The following KIRREL3 variants were observed in gnomAD, a reference collection of about 807,000 sequenced individuals.
KIRREL3 encodes kin of IRRE-like protein 3.
A neutral mutation model predicts 89.7 loss-of-function variants in KIRREL3; 36 were observed. The ratio of observed to expected loss-of-function variants is 0.40; its 90% confidence interval spans 0.31 to 0.53. The LOEUF is 0.53. Among genes scored for constraint, KIRREL3 ranks in the 20% least tolerant of loss-of-function variants. The pLI is 0.49. For synonymous variants in KIRREL3, 445 were observed against 441.4 expected (o/e 1.01, Z -0.10); for missense variants, 864 against 1,056.6 (o/e 0.82, Z 2.53).
chr11:126,765,450 C>T (rs570430521), intron 1 of KIRREL3, among the ~76,000 whole-genome samples: 31 of 152,166 alleles, frequency 2.0e-4, no homozygotes, highest in Non-Finnish European at 3.8e-4. Context: ...CCAGAGCATA[C>T]GGCTTTTACT....
At position 126,788,143 on chromosome 11, in the gene KIRREL3, A is replaced by G. The variant is rs1456933494; in HGVS notation, c.55+212312T>C. 6.6e-6 allele frequency among the ~76,000 whole-genome samples: 1 copy of G among 152,204 alleles called. No individual in the cohort carries two copies. On this transcript the variant is annotated intron_variant, in intron 1 of 16. Coordinates refer to ENST00000525144, the MANE Select transcript of KIRREL3 (RefSeq NM_032531.4). The surrounding 1 kb of genome is among the most constrained non-coding windows in gnomAD (Gnocchi z 4.1). Reference sequence around the variant, plus strand: ...CCATAGCATCTAAAATCTGCTAGACATTGTGTGCAAAAAGAGTGGGTGATG... The same window carrying G: ...CCATAGCATCTAAAATCTGCTAGACGTTGTGTGCAAAAAGAGTGGGTGATG...
At chr11:126,922,169 ATC>A (rs1300445990) in intron 1 of KIRREL3, among the ~76,000 whole-genome samples, 1 of 141,042 alleles carries the variant, frequency 7.1e-6, no homozygotes, top group Non-Finnish European at 1.6e-5. Context: ...CTATCTATCT[ATC>A]TATCTCTATC....
intron 1 of KIRREL3, among the ~76,000 whole-genome samples, chr11:126,793,532 G>A (rs1342003505): frequency 2.0e-5 from 3 of 152,194 alleles, no homozygotes; most frequent in African/African-American, 7.2e-5. Context: ...GGGAGTTCCT[G>A]CAGAAGGTGC....
At chr11:126,436,366 T>A (rs980047755) in intron 12 of KIRREL3, among the ~76,000 whole-genome samples, 2 of 152,242 alleles carry the variant, frequency 1.3e-5, no homozygotes, top group Non-Finnish European at 2.9e-5. Flanking sequence ...ATCTTAACTG[T>A]GACTGGGCCA....
intron 1 of KIRREL3, among the ~76,000 whole-genome samples, chr11:126,925,693 G>A (rs993334312): frequency 1.3e-5 from 2 of 152,222 alleles, no homozygotes; most frequent in Admixed American, 6.5e-5. Flanking sequence ...GGGTTAAGGT[G>A]AGAACGTTGT....
chr11:126,699,988 G>T (rs1947248886), intron 1 of KIRREL3, among the ~76,000 whole-genome samples: 1 of 152,046 alleles, frequency 6.6e-6, no homozygotes, highest in African/African-American at 2.4e-5. Context: ...GAGTTCTGGG[G>T]TTCGAGACCA....
rs1427938638 is a variant in KIRREL3, at chr11:126,912,438, C to A, written c.55+88017G>T. 6.6e-6 allele frequency among the ~76,000 whole-genome samples: 1 copy of A among 152,172 alleles called. No individual in the cohort carries two copies. Among genetic ancestry groups the A allele is most frequent in the African/African-American group, 2.4e-5 (1 of 41,436 alleles). ...TAATTACCCCTTTCCATCTCACATT[C>A]CTCCAGCTGGTTCAGCACTTCCGAT... On this transcript the variant is annotated intron_variant, in intron 1 of 16. Transcript: ENST00000525144. The surrounding 1 kb of genome is among the most constrained non-coding windows in gnomAD (Gnocchi z 4.7).
rs1216257839 is a variant in KIRREL3 at position 126,755,819 on chromosome 11, C to T, written c.56-192907G>A. Among the ~76,000 whole-genome samples the T allele has an allele frequency of 1.0e-5, 1 of 98,904 alleles. No individual in the cohort carries two copies. Among genetic ancestry groups the T allele is most frequent in the East Asian group, 3.6e-4 (1 of 2,804 alleles). 64.9% of individuals were successfully genotyped at this position (98,904 alleles called of 152,430 possible). On this transcript the variant is annotated intron_variant, in intron 1 of 16. Coordinates refer to ENST00000525144, the MANE Select transcript of KIRREL3 (RefSeq NM_032531.4). This position sits in a 1 kb window ranked among gnomAD's most constrained non-coding sequence, Gnocchi z 4.3. The stretch of plus-strand genomic sequence containing the variant: ...GAATGCGTGCTCGCCATCTGCCATT[C>T]AGGCAGAGAGAGAGAGAGAGAGAGA...
chr11:126,446,269 TCTTTCTTTTCTTTCTC>T (rs1955798998), intron 9 of KIRREL3, among the ~76,000 whole-genome samples: 1 of 92,066 alleles, frequency 1.1e-5, no homozygotes, highest in African/African-American at 4.6e-5. Context: ...TCTTTCTCTC[TCTTTCTTTTCTTTCTC>T]CTTTCTTTCT....
Position 126,523,397 on chromosome 11 carries a change from G to T in KIRREL3, c.284-1933C>A, listed in dbSNP as rs150683916. Among the ~76,000 whole-genome samples, 509 of 152,296 alleles carry T rather than the reference G, an allele frequency of 3.3e-3. 3 individuals carry two copies. The highest frequency in any genetic ancestry group is 0.011 in the African/African-American group (477 of 41,566). ...CACCAGCACTTGTTCCTGGTCAGGC[G>T]AGGTAGCTGTGATGATCCTCTGCCA... On this transcript the variant is annotated intron_variant, in intron 3 of 16. Coordinates refer to ENST00000525144, the MANE Select transcript of KIRREL3 (RefSeq NM_032531.4). This position sits in a 1 kb window ranked among gnomAD's most constrained non-coding sequence, Gnocchi z 4.9.
chr11:126,914,502 T>G (rs935796860), intron 1 of KIRREL3, among the ~76,000 whole-genome samples: 2 of 152,196 alleles, frequency 1.3e-5, no homozygotes, highest in African/African-American at 4.8e-5. Flanking sequence ...AGGAAAGGAA[T>G]ATACTGGCTG....
Position 126,909,272 on chromosome 11 carries a change from G to A in KIRREL3, c.55+91183C>T, listed in dbSNP as rs1000579133. Among the ~76,000 whole-genome samples the A allele has an allele frequency of 2.6e-5, 4 of 152,098 alleles. No individual in the cohort carries two copies. Among genetic ancestry groups the A allele is most frequent in the African/African-American group, 7.2e-5 (3 of 41,436 alleles). On this transcript the variant is annotated intron_variant, in intron 1 of 16. Transcript: ENST00000525144. The surrounding 1 kb of genome is among the most constrained non-coding windows in gnomAD (Gnocchi z 4.5). ...GGTGTGGCACTAAAACCCAGGCTCC[G>A]GCCTGGGACTCTTTACATTATAAGT...
At position 126,946,255 on chromosome 11, in the gene KIRREL3, G is replaced by A. The variant is rs985392466; in HGVS notation, c.55+54200C>T. Among the ~76,000 whole-genome samples, 1 of 152,110 alleles carries A rather than the reference G, an allele frequency of 6.6e-6. No individual in the cohort carries two copies. Among genetic ancestry groups the A allele is most frequent in the Admixed American group, 6.6e-5 (1 of 15,260 alleles). ...TTAAAACTGCAAAATGAGTGGTCAT[G>A]CCCCAGACTGCGGCCTCCAGACTCT... On this transcript the variant is annotated intron_variant, in intron 1 of 16. Coordinates refer to ENST00000525144, the MANE Select transcript of KIRREL3 (RefSeq NM_032531.4). This position sits in a 1 kb window ranked among gnomAD's most constrained non-coding sequence, Gnocchi z 4.1.
rs1199036369 is a variant in KIRREL3 at position 126,477,790 on chromosome 11, T to G, written c.434-4324A>C. Among the ~76,000 whole-genome samples the G allele has an allele frequency of 6.6e-6, 1 of 152,162 alleles. No homozygotes were observed. The highest frequency in any genetic ancestry group is 1.9e-4 in the East Asian group (1 of 5,184). The stretch of plus-strand genomic sequence containing the variant: ...TCGATGCTCCATCAGCCTGGGATGG[T>G]TGGTCTCTGAGCATGGCTGATCGGT... On this transcript the variant is annotated intron_variant, in intron 4 of 16. Transcript: ENST00000525144. This position sits in a 1 kb window ranked among gnomAD's most constrained non-coding sequence, Gnocchi z 4.8.
chr11:126,682,728 G>C lies in KIRREL3; in HGVS notation c.56-119816C>G, dbSNP rs10450633. Among the ~76,000 whole-genome samples the C allele has an allele frequency of 1.4e-4, 21 of 152,196 alleles. No individual in the cohort carries two copies. Among genetic ancestry groups the C allele is most frequent in the African/African-American group, 5.1e-4 (21 of 41,502 alleles). On this transcript the variant is annotated intron_variant, in intron 1 of 16. Coordinates refer to ENST00000525144, the MANE Select transcript of KIRREL3 (RefSeq NM_032531.4). The surrounding 1 kb of genome is among the most constrained non-coding windows in gnomAD (Gnocchi z 4.8). ...CCATCACATGCGCAGTTCACAACAGGGCTGGTGCTCCTAGGAGAATCTAAC... is the reference window on the plus strand; with the variant it reads ...CCATCACATGCGCAGTTCACAACAGCGCTGGTGCTCCTAGGAGAATCTAAC...
chr11:126,681,757 T>A (rs117554462), intron 1 of KIRREL3: 2 of 381,274 alleles, frequency 5.2e-6, no homozygotes, highest in East Asian at 1.5e-4. Context: ...TAGTGTTAAC[T>A]CCACTCCCAT....
At chr11:126,467,095 C>T (rs915416014) in intron 5 of KIRREL3, among the ~76,000 whole-genome samples, 1 of 152,248 alleles carries the variant, frequency 6.6e-6, no homozygotes, top group Non-Finnish European at 1.5e-5. Flanking sequence ...AACGAGCGTG[C>T]CAGGGCATAC....
rs1424996267 is a variant in KIRREL3, at chr11:126,724,278, AT to A, written c.56-161367del. On this transcript the variant is annotated intron_variant, in intron 1 of 16. Transcript: ENST00000525144. The surrounding 1 kb of genome is among the most constrained non-coding windows in gnomAD (Gnocchi z 4.3). Reference sequence around the variant, plus strand: ...ATTCCTGTCTCCTGCAGGTTGGTTCATTTTCTTTCAAACACCTGTGCTGTAA... The same window carrying A: ...ATTCCTGTCTCCTGCAGGTTGGTTCATTTCTTTCAAACACCTGTGCTGTAA... 6.6e-6 allele frequency among the ~76,000 whole-genome samples: 1 copy of A among 152,102 alleles called. No homozygotes were observed. Among genetic ancestry groups the A allele is most frequent in the African/African-American group, 2.4e-5 (1 of 41,422 alleles).
chr11:126,757,441 C>A (rs1946080), intron 1 of KIRREL3, among the ~76,000 whole-genome samples: 35,383 of 152,048 alleles, frequency 0.23, 4,206 homozygotes, highest in South Asian at 0.32. Flanking sequence ...AATCTTTGGG[C>A]ATTTCCTAAG....
Sources: allele counts gnomAD v4.1 joint callset (sites outside exome capture counted in the v4.1 genomes callset), GRCh38; gene constraint gnomAD v4.1.1; non-coding constraint Gnocchi (gnomAD v3.1); transcripts MANE v1.5; gene names NCBI Gene and HGNC (gene_info 2026-07-23, HGNC 2026-07-21).